The following SLC25A27 variants were observed in gnomAD, a reference collection of about 807,000 sequenced individuals.
SLC25A27 encodes the protein mitochondrial uncoupling protein 4.
Under a neutral mutation model 49.1 loss-of-function variants are expected in SLC25A27, and 35 were observed. The ratio of observed to expected loss-of-function variants is 0.71; its 90% confidence interval spans 0.54 to 0.95. The LOEUF is 0.95. SLC25A27 is among the 40% of genes least tolerant of loss of function. The pLI is 0.00. For missense variants in SLC25A27, 339 were observed against 397.1 expected, an observed-to-expected ratio of 0.85 and a Z score of 1.24; for synonymous variants, 144 against 136.9, an observed-to-expected ratio of 1.05 and a Z score of -0.36.
chr6:46,665,640 C>T (rs111705825), intron 5 of SLC25A27, among the ~76,000 whole-genome samples: 110 of 151,996 alleles, frequency 7.2e-4, no homozygotes, highest in African/African-American at 2.6e-3. Context: ...GAGCTGAGAT[C>T]GCGCCACTGT....
chr6:46,658,520 C>T (rs898601984), intron 2 of SLC25A27: 9 of 449,240 alleles, frequency 2.0e-5, no homozygotes, highest in Non-Finnish European at 3.6e-5. Flanking sequence ...ATGCCTGCTG[C>T]GTACCAAGGT....
chr6:46,654,543 G>T (rs901545280), intron 1 of SLC25A27, among the ~76,000 whole-genome samples: 1 of 152,062 alleles, frequency 6.6e-6, no homozygotes, highest in African/African-American at 2.4e-5. Context: ...ACTATTCCTC[G>T]TTAAAAATTC....
intron 2 of SLC25A27, 184 bp from the exon 3 acceptor site, chr6:46,658,775 GAAA>G (rs2150635272): frequency 1.7e-6 from 1 of 599,150 alleles, no homozygotes; most frequent in African/African-American, 1.9e-5. Flanking sequence ...GGCAGAGTCT[GAAA>G]AGAGCATGCC....
chr6:46,671,573 G>C (rs1763547146), intron 8 of SLC25A27, among the ~76,000 whole-genome samples: 1 of 151,644 alleles, frequency 6.6e-6, no homozygotes, highest in East Asian at 1.9e-4. Context: ...TTTTACACTA[G>C]AGACCTCTCC....
rs1207300326 is a variant in SLC25A27, at chr6:46,656,023, A to G, written c.287A>G (p.Tyr96Cys). The G allele has an allele frequency of 4.3e-6, 7 of 1,610,758 alleles. No homozygotes were observed. The highest frequency in any genetic ancestry group is 5.1e-6 in the Non-Finnish European group (6 of 1,178,930). The change falls in exon 2 of 9, where the codon TAC (tyrosine) becomes TGC (cysteine). Residue 96 changes from tyrosine to cysteine, a missense_variant. Transcript: ENST00000371347. Reference sequence around the variant, plus strand: ...TGGCAAGGAGTGACACCCGCCATTTACAGACACGTAGGTATTTATCTTGAT... The same window carrying G: ...TGGCAAGGAGTGACACCCGCCATTTGCAGACACGTAGGTATTTATCTTGAT... Reference protein sequence around the residue: ...KLWQGVTPAIYRHVVYSGGRM... With the variant: ...KLWQGVTPAICRHVVYSGGRM...
intron 3 of SLC25A27, 106 bp from the exon 4 acceptor site, chr6:46,662,270 T>C (rs1287236797): frequency 5.2e-6 from 5 of 957,324 alleles, no homozygotes; most frequent in African/African-American, 5.0e-5. Context: ...TTTTCTTTAC[T>C]TGATCTGAAA....
At chr6:46,675,168 G>A (rs1450319445) in intron 8 of SLC25A27, among the ~76,000 whole-genome samples, 1 of 152,124 alleles carries the variant, frequency 6.6e-6, no homozygotes, top group African/African-American at 2.4e-5. Flanking sequence ...CCCTTCTACT[G>A]GGTAGAGGTA....
At chr6:46,670,308 T>A in intron 7 of SLC25A27, 81 bp downstream of exon 7, 1 of 889,702 alleles carries the variant, frequency 1.1e-6, no homozygotes, top group Non-Finnish European at 1.7e-6. Context: ...CTGCATTTTT[T>A]ATTGATAGAA....
chr6:46,670,352 C>T (rs1392529028), intron 7 of SLC25A27, 125 bp downstream of exon 7: 6 of 676,136 alleles, frequency 8.9e-6, no homozygotes, highest in Non-Finnish European at 1.5e-5. Flanking sequence ...AAATTGAGCG[C>T]ATTTTTTTTA....
intron 6 of SLC25A27, among the ~76,000 whole-genome samples, chr6:46,669,231 A>C (rs778269743): frequency 8.5e-5 from 13 of 152,200 alleles, no homozygotes; most frequent in Non-Finnish European, 1.9e-4. Flanking sequence ...AAAGGAAGCA[A>C]CTAGTTACTA....
intron 1 of SLC25A27, among the ~76,000 whole-genome samples, chr6:46,654,824 G>T (rs1226909602): frequency 6.6e-6 from 1 of 152,162 alleles, no homozygotes; most frequent in Non-Finnish European, 1.5e-5. Context: ...CCAGTGGTAA[G>T]ATTTAATATT....
At chr6:46,655,734 T>C (rs546239905) in intron 1 of SLC25A27, 109 bp from the exon 2 acceptor site, 2 of 924,458 alleles carry the variant, frequency 2.2e-6, no homozygotes, top group Non-Finnish European at 1.7e-6. Context: ...TGATATATTC[T>C]AAAATTTGAG....
At position 46,664,794 on chromosome 6, in the gene SLC25A27, C is replaced by G. The variant is rs765896195; in HGVS notation, c.527C>G (p.Ala176Gly). The stretch of plus-strand genomic sequence containing the variant: ...CTTAGATTTCGTGGTGTACATCATG[C>G]ATTTGCAAAAATCTTAGCTGAAGGA... ...KPLRFRGVHHAFAKILAEGGI... is the reference protein window; with the variant it reads ...KPLRFRGVHHGFAKILAEGGI... The change falls in exon 5 of 9, where the codon GCA becomes GGA. Residue 176 changes from alanine to glycine, a missense_variant. Ala to Gly is a moderately conservative substitution (Grantham distance 60, BLOSUM62 0). Coordinates refer to ENST00000371347, the MANE Select transcript of SLC25A27 (RefSeq NM_004277.5). The G allele has an allele frequency of 6.2e-7, 1 of 1,604,790 alleles. No individual in the cohort carries two copies. Among genetic ancestry groups the G allele is most frequent in the South Asian group, 1.1e-5 (1 of 89,734 alleles).
intron 4 of SLC25A27, 84 bp downstream of exon 4, chr6:46,662,582 C>T: frequency 1.4e-6 from 2 of 1,384,032 alleles, no homozygotes; most frequent in South Asian, 2.6e-5. Flanking sequence ...AATTATCATC[C>T]AGTATGCAGT....
At chr6:46,659,527 A>G (rs902343956) in intron 3 of SLC25A27, among the ~76,000 whole-genome samples, 1 of 152,224 alleles carries the variant, frequency 6.6e-6, no homozygotes, top group African/African-American at 2.4e-5. Context: ...ACTAAAAATA[A>G]TATACATAGA....
At chr6:46,674,010 G>C (rs1444036232) in intron 8 of SLC25A27, among the ~76,000 whole-genome samples, 1 of 152,098 alleles carries the variant, frequency 6.6e-6, no homozygotes, top group African/African-American at 2.4e-5. Flanking sequence ...ACAGAAAAAA[G>C]CAAATGGGAC....
chr6:46,655,531 G>GTTTTTTTTTTTTTTTTTTTTTTTT (rs1283936753), intron 1 of SLC25A27, among the ~76,000 whole-genome samples: 2 of 98,548 alleles, frequency 2.0e-5, no homozygotes, highest in Non-Finnish European at 2.2e-5. Context: ...TATTGTTAAT[G>GTTTTTTTTTTTTTTTTTTTTTTTT]TTTGTTTTTT....
chr6:46,660,510 A>G (rs939253489), intron 3 of SLC25A27, among the ~76,000 whole-genome samples: 3 of 152,190 alleles, frequency 2.0e-5, no homozygotes, highest in Non-Finnish European at 4.4e-5. Context: ...GCTTCTACAT[A>G]TGCATTAAGA....
intron 3 of SLC25A27, 141 bp from the exon 4 acceptor site, chr6:46,662,235 C>T: frequency 2.9e-6 from 2 of 697,414 alleles, no homozygotes; most frequent in South Asian, 2.0e-5. Context: ...GTTTACTTTA[C>T]TCTGTGACTT....
Sources: allele counts gnomAD v4.1 joint callset (sites outside exome capture counted in the v4.1 genomes callset), GRCh38; gene constraint gnomAD v4.1.1; transcripts MANE v1.5; gene names NCBI Gene and HGNC (gene_info 2026-07-23, HGNC 2026-07-21).